RBFOX2: variants seen among roughly 807,000 people sequenced by gnomAD.
RBFOX2 encodes the protein RNA binding protein fox-1 homolog 2.
Under a neutral mutation model 49.1 loss-of-function variants are expected in RBFOX2, and 10 were observed. The observed-to-expected ratio is 0.20, with a 90% CI of 0.13 to 0.35. The LOEUF is 0.35. RBFOX2 is among the 10% of genes least tolerant of loss of function. RBFOX2 has a pLI of 1.00. For missense variants in RBFOX2, 323 were observed against 486.9 expected (o/e 0.66, Z 3.17); for synonymous variants, 183 against 187.4 (o/e 0.98, Z 0.19).
chr22:35,811,683 T>C (rs1569219754), intron 1 of RBFOX2, among the ~76,000 whole-genome samples: 1 of 152,186 alleles, frequency 6.6e-6, no homozygotes, highest in Non-Finnish European at 1.5e-5. Context: ...TTCCTGCTAT[T>C]GGACATAATG....
chr22:35,809,850 A>C (rs772941398), exon 2 of RBFOX2: 20 of 1,613,920 alleles, frequency 1.2e-5, no homozygotes, highest in Non-Finnish European at 1.4e-5. Flanking sequence ...ACTTCCGTAG[A>C]GTGTCAGGTT....
intron 1 of RBFOX2, among the ~76,000 whole-genome samples, chr22:35,922,645 C>T (rs1182723160): frequency 2.0e-5 from 3 of 151,012 alleles, no homozygotes; most frequent in Non-Finnish European, 2.9e-5. Context: ...AGAACCCACA[C>T]ACAGACTACC....
At chr22:36,027,494 A>G (rs1409385464) in intron 1 of RBFOX2, among the ~76,000 whole-genome samples, 1 of 152,202 alleles carries the variant, frequency 6.6e-6, no homozygotes, top group African/African-American at 2.4e-5. Context: ...TTGAGAATCC[A>G]GTCTTCTAAT....
chr22:36,001,995 C>T (rs906683723), intron 1 of RBFOX2, among the ~76,000 whole-genome samples: 3 of 151,616 alleles, frequency 2.0e-5, no homozygotes, highest in East Asian at 3.9e-4. Context: ...ACCTGGGAGG[C>T]GGAGGCTGCA....
intron 1 of RBFOX2, among the ~76,000 whole-genome samples, chr22:35,852,804 T>C (rs1171970964): frequency 2.6e-5 from 4 of 152,214 alleles, no homozygotes; most frequent in Non-Finnish European, 5.9e-5. Context: ...TTTGGTGACT[T>C]AATTATAGAG....
chr22:35,948,778 C>A (rs1278067610), intron 1 of RBFOX2, among the ~76,000 whole-genome samples: 1 of 152,218 alleles, frequency 6.6e-6, no homozygotes, highest in African/African-American at 2.4e-5. Flanking sequence ...TATAAATATT[C>A]TTTGCAGTTT....
intron 1 of RBFOX2, among the ~76,000 whole-genome samples, chr22:36,025,500 T>G (rs2146590642): frequency 6.6e-6 from 1 of 152,328 alleles, no homozygotes; most frequent in East Asian, 1.9e-4. Flanking sequence ...CAGCAAGGGT[T>G]TTTTGTTGTT....
intron 2 of RBFOX2, among the ~76,000 whole-genome samples, chr22:35,788,887 C>G (rs1000703114): frequency 2.0e-5 from 3 of 152,136 alleles, no homozygotes; most frequent in African/African-American, 7.2e-5. Context: ...ATGATTCTCA[C>G]GCTACACATT....
upstream of RBFOX2, among the ~76,000 whole-genome samples, chr22:35,964,639 G>T (rs1313226630): frequency 6.6e-6 from 1 of 152,078 alleles, no homozygotes; most frequent in Non-Finnish European, 1.5e-5. Context: ...ATGCAGTCAG[G>T]ATCTATACAT....
chr22:35,878,043 C>T (rs901276015), intron 1 of RBFOX2, among the ~76,000 whole-genome samples: 2,312 of 105,652 alleles, frequency 0.022, 38 homozygotes, highest in African/African-American at 0.097. Context: ...TACTACTACA[C>T]ACACACACAC....
At chr22:35,762,568 G>A (rs1939310351) in intron 6 of RBFOX2, among the ~76,000 whole-genome samples, 2 of 148,070 alleles carry the variant, frequency 1.4e-5, no homozygotes, top group Admixed American at 6.8e-5. Context: ...GTGCAGTGGC[G>A]CAGTTTCGGC....
intron 4 of RBFOX2, among the ~76,000 whole-genome samples, chr22:35,769,415 G>A (rs572325662): frequency 4.6e-5 from 7 of 152,218 alleles, no homozygotes; most frequent in African/African-American, 9.6e-5. Flanking sequence ...CCTTCACTCC[G>A]ATGTTCACGT....
At chr22:35,830,330 G>A (rs999591198) in intron 1 of RBFOX2, among the ~76,000 whole-genome samples, 2 of 152,318 alleles carry the variant, frequency 1.3e-5, no homozygotes, top group Middle Eastern at 3.4e-3. Context: ...GAAGCACAGA[G>A]GGACAACTGT....
intron 1 of RBFOX2, among the ~76,000 whole-genome samples, chr22:36,002,535 T>G (rs1017421945): frequency 1.3e-5 from 2 of 152,184 alleles, no homozygotes; most frequent in Non-Finnish European, 2.9e-5. Context: ...GGGGTATATA[T>G]CTATAAACAT....
At chr22:36,017,479 G>A (rs1037621316) in intron 1 of RBFOX2, among the ~76,000 whole-genome samples, 9 of 152,102 alleles carry the variant, frequency 5.9e-5, no homozygotes, top group Non-Finnish European at 8.8e-5. Flanking sequence ...AGTGAGCCGA[G>A]ATCATGCCAT....
chr22:35,761,769 G>A (rs1938972009), intron 6 of RBFOX2, among the ~76,000 whole-genome samples: 2 of 152,108 alleles, frequency 1.3e-5, no homozygotes, highest in South Asian at 4.2e-4. Flanking sequence ...GTTTGGTAAA[G>A]TGTTCTCACA....
At chr22:36,018,033 C>A (rs1246087309) in intron 1 of RBFOX2, among the ~76,000 whole-genome samples, 1 of 152,204 alleles carries the variant, frequency 6.6e-6, no homozygotes, top group African/African-American at 2.4e-5. Context: ...CCAGACCCCC[C>A]AGGGAAAATC....
chr22:35,861,828 C>A (rs2043132101), intron 1 of RBFOX2, among the ~76,000 whole-genome samples: 1 of 152,066 alleles, frequency 6.6e-6, no homozygotes, highest in African/African-American at 2.4e-5. Flanking sequence ...TATGAATACT[C>A]ATAAAAAATC....
intron 6 of RBFOX2, among the ~76,000 whole-genome samples, chr22:35,763,760 A>G (rs567085065): frequency 6.6e-6 from 1 of 152,266 alleles, no homozygotes; most frequent in South Asian, 2.1e-4. Flanking sequence ...TCATTTCCTA[A>G]TAATAAGCTG....
Sources: gnomAD v4.1 joint callset for allele counts (sites outside exome capture counted in the v4.1 genomes callset) on GRCh38, gnomAD v4.1.1 for gene constraint, MANE v1.5 for transcripts, NCBI Gene and HGNC (gene_info 2026-07-23, HGNC 2026-07-21) for gene names.